PRORP: variants seen among roughly 807,000 people sequenced by gnomAD.
The protein encoded by PRORP is protein only RNase P catalytic subunit.
In PRORP, 51 loss-of-function variants were observed where a neutral mutation model predicts 59.4. The observed-to-expected ratio is 0.86, with a 90% CI of 0.69 to 1.08. The LOEUF is 1.08. Among genes scored for constraint, PRORP ranks in the 50% least tolerant of loss-of-function variants. PRORP has a pLI of 0.00. For missense variants in PRORP, 646 were observed against 690.3 expected (o/e 0.94, Z 0.72); for synonymous variants, 231 against 245.6 (o/e 0.94, Z 0.55).
intron 5 of PRORP, among the ~76,000 whole-genome samples, chr14:35,227,271 G>A (rs372907566): frequency 8.6e-5 from 13 of 151,044 alleles, no homozygotes; most frequent in South Asian, 2.1e-4. Context: ...GTGAAACCCC[G>A]TCTCTACTAA....
chr14:35,230,623 C>T (rs1483930778), intron 5 of PRORP, among the ~76,000 whole-genome samples: 3 of 152,064 alleles, frequency 2.0e-5, no homozygotes, highest in East Asian at 1.9e-4. Flanking sequence ...GGACATAGTC[C>T]GTACTCTCAG....
At chr14:35,205,216 C>G (rs935790579) in intron 5 of PRORP, among the ~76,000 whole-genome samples, 6 of 152,176 alleles carry the variant, frequency 3.9e-5, no homozygotes, top group African/African-American at 7.2e-5. Context: ...GAGTCTCGCT[C>G]TGTTGCACAG....
chr14:35,122,238 G>C (rs952064694), upstream of PRORP: 1 of 457,726 alleles, frequency 2.2e-6, no homozygotes, highest in Admixed American at 3.3e-5. Context: ...GGATTTTAAA[G>C]GCCACGATAA....
In PRORP at chr14:35,276,371, C is replaced by T. The variant is rs1437098215; in HGVS notation, c.*2805C>T. ...GTACCTCTTTTAAGGGCCCAAGTATCCTGAATGGCTCAGCAGTATAGAACA... is the reference window on the plus strand; with the variant it reads ...GTACCTCTTTTAAGGGCCCAAGTATTCTGAATGGCTCAGCAGTATAGAACA... On this transcript the variant is annotated 3_prime_UTR_variant, in exon 8 of 8. Transcript: ENST00000534898. The T allele has an allele frequency of 6.6e-6, 1 of 152,046 alleles. No individual in the cohort carries two copies. Among genetic ancestry groups the T allele is most frequent in the African/African-American group, 2.4e-5 (1 of 41,396 alleles). 9.4% of individuals were successfully genotyped at this position (152,046 alleles called of 1,614,324 possible).
chr14:35,263,313 T>G (rs1005234608), intron 5 of PRORP, among the ~76,000 whole-genome samples: 3 of 152,172 alleles, frequency 2.0e-5, no homozygotes, highest in African/African-American at 7.2e-5. Context: ...AAATATTTAT[T>G]AACGAAAAAA....
intron 5 of PRORP, among the ~76,000 whole-genome samples, chr14:35,203,735 G>A (rs1188769449): frequency 2.0e-5 from 3 of 152,056 alleles, no homozygotes; most frequent in African/African-American, 7.3e-5. Flanking sequence ...AAGGTGGCAG[G>A]CGCCTGTAGT....
intron 4 of PRORP, among the ~76,000 whole-genome samples, chr14:35,150,742 G>C (rs2138887586): frequency 6.6e-6 from 1 of 152,244 alleles, no homozygotes. Flanking sequence ...GTGGCTATGG[G>C]TGTTTGGCTG....
chr14:35,253,357 GAA>G (rs2050662899), intron 5 of PRORP, among the ~76,000 whole-genome samples: 23 of 130,970 alleles, frequency 1.8e-4, no homozygotes, highest in African/African-American at 3.6e-4. Context: ...GAGAGAGAGA[GAA>G]AGAAAGAAAG....
chr14:35,132,843 A>G (rs1035517695), intron 4 of PRORP, among the ~76,000 whole-genome samples: 4 of 151,726 alleles, frequency 2.6e-5, no homozygotes, highest in Non-Finnish European at 4.4e-5. Flanking sequence ...AGGAAAGGGA[A>G]GGAAGAAGGA....
Position 35,187,720 on chromosome 14 carries a change from G to A in PRORP, c.1275+6943G>A, listed in dbSNP as rs947377722. Among the ~76,000 whole-genome samples the A allele has an allele frequency of 5.9e-5, 9 of 152,026 alleles. No homozygotes were observed. In the South Asian group the frequency reaches 1.0e-3, roughly 18 times the overall value. On this transcript the variant is annotated intron_variant, in intron 5 of 7. Transcript: ENST00000534898. Reference sequence around the variant, plus strand: ...GCTGGGATTACAGGCGTGAGCCACCGCACCTGGCCCAGTATCTTGTAGTTT... The same window carrying A: ...GCTGGGATTACAGGCGTGAGCCACCACACCTGGCCCAGTATCTTGTAGTTT...
intron 5 of PRORP, among the ~76,000 whole-genome samples, chr14:35,232,399 A>C (rs1180280490): frequency 4.0e-5 from 6 of 151,786 alleles, no homozygotes; most frequent in Non-Finnish European, 8.8e-5. Flanking sequence ...TTTTGTAGAG[A>C]TGGGGTCTCA....
At chr14:35,266,960 A>T in intron 6 of PRORP, 85 bp downstream of exon 6, 7 of 1,395,146 alleles carry the variant, frequency 5.0e-6, no homozygotes, top group Non-Finnish European at 6.9e-6. Flanking sequence ...CCTATCTTTT[A>T]AATGCATGTG....
intron 5 of PRORP, among the ~76,000 whole-genome samples, chr14:35,188,961 A>AGAAAGAAAGAAAG (rs59671236): frequency 1.5e-5 from 2 of 132,776 alleles, no homozygotes; most frequent in East Asian, 4.2e-4. Flanking sequence ...AAAAAAAAAA[A>AGAAAGAAAGAAAG]AAAGTATTGC....
chr14:35,163,073 A>G (rs1467380581), intron 4 of PRORP, among the ~76,000 whole-genome samples: 1 of 152,102 alleles, frequency 6.6e-6, no homozygotes, highest in Non-Finnish European at 1.5e-5. Flanking sequence ...AATTTTTATA[A>G]CTTGGGTTCT....
At chr14:35,154,987 C>A (rs747235918) in intron 4 of PRORP, among the ~76,000 whole-genome samples, 3 of 152,140 alleles carry the variant, frequency 2.0e-5, no homozygotes, top group African/African-American at 7.2e-5. Flanking sequence ...CTCAACCTCC[C>A]GGGCTCAGGT....
At chr14:35,260,805 C>G (rs1337276922) in intron 5 of PRORP, among the ~76,000 whole-genome samples, 1 of 152,220 alleles carries the variant, frequency 6.6e-6, no homozygotes, top group Non-Finnish European at 1.5e-5. Flanking sequence ...CAAGTGCTGT[C>G]TTTGTTCTTA....
At chr14:35,224,461 A>T (rs140533263) in intron 5 of PRORP, among the ~76,000 whole-genome samples, 9 of 152,292 alleles carry the variant, frequency 5.9e-5, no homozygotes, top group African/African-American at 1.7e-4. Flanking sequence ...CATTTTACTA[A>T]TGGATGAGGA....
intron 4 of PRORP, among the ~76,000 whole-genome samples, chr14:35,173,646 C>T (rs1448756202): frequency 1.3e-5 from 2 of 152,088 alleles, no homozygotes; most frequent in African/African-American, 4.8e-5. Flanking sequence ...TCCAGCTGTT[C>T]CTGCTGGCCA....
At chr14:35,252,976 T>C (rs2050650516) in intron 5 of PRORP, among the ~76,000 whole-genome samples, 1 of 152,196 alleles carries the variant, frequency 6.6e-6, no homozygotes, top group Admixed American at 6.5e-5. Flanking sequence ...TCTACCTTGC[T>C]ACTTGCTTTT....
Sources: allele counts gnomAD v4.1 joint callset (sites outside exome capture counted in the v4.1 genomes callset), GRCh38; gene constraint gnomAD v4.1.1; transcripts MANE v1.5; gene names NCBI Gene and HGNC (gene_info 2026-07-23, HGNC 2026-07-21).